Variants in MAML2 observed in about 807,000 individuals in gnomAD.
MAML2 encodes the protein mastermind-like protein 2.
MAML2 carries 22 observed loss-of-function variants against 96.1 expected under a neutral mutation model. The observed-to-expected ratio is 0.23, with a 90% CI of 0.16 to 0.33. The LOEUF is 0.33. Ranked by LOEUF, MAML2 falls within the 10% of genes least tolerant of loss-of-function variation. MAML2 has a pLI of 1.00. For missense variants in MAML2, 1,367 were observed against 1,392.4 expected, an observed-to-expected ratio of 0.98 and a Z score of 0.29; for synonymous variants, 561 against 521.3, an observed-to-expected ratio of 1.08 and a Z score of -1.04.
intron 2 of MAML2, among the ~76,000 whole-genome samples, chr11:96,050,175 C>G (rs994129629): frequency 1.3e-5 from 2 of 152,138 alleles, no homozygotes; most frequent in Non-Finnish European, 2.9e-5. Context: ...TAAGATCATA[C>G]AGATCTAAGG....
chr11:96,068,054 C>T (rs964659328), intron 2 of MAML2, among the ~76,000 whole-genome samples: 31 of 152,254 alleles, frequency 2.0e-4, no homozygotes, highest in African/African-American at 7.2e-4. Flanking sequence ...AAATCCCTCA[C>T]CCACTGACAT....
At chr11:96,123,574 G>T (rs1268889806) in intron 1 of MAML2, among the ~76,000 whole-genome samples, 1 of 152,230 alleles carries the variant, frequency 6.6e-6, no homozygotes, top group Non-Finnish European at 1.5e-5. Flanking sequence ...TCTGAATTCA[G>T]ATATGATGAC....
intron 1 of MAML2, among the ~76,000 whole-genome samples, chr11:96,211,665 A>T (rs1041578398): frequency 5.9e-5 from 9 of 152,294 alleles, no homozygotes; most frequent in Admixed American, 5.2e-4. Flanking sequence ...AGGAAATGTG[A>T]CAAGTTTATT....
At chr11:96,046,929 A>C (rs1309154490) in intron 2 of MAML2, among the ~76,000 whole-genome samples, 1 of 152,226 alleles carries the variant, frequency 6.6e-6, no homozygotes. Flanking sequence ...CATAGTCCCT[A>C]CTTTCCAACA....
rs573046218 is a variant in MAML2, at chr11:96,287,951, C to T, written c.513+53432G>A. Among the ~76,000 whole-genome samples the T allele has an allele frequency of 5.3e-5, 8 of 152,214 alleles. No homozygotes were observed. In the South Asian group the frequency reaches 1.7e-3, roughly 32 times the overall value. ...TTGCTTGCAATTTTGTGCAGTGGAA[C>T]GGAGACACTGAATCCCAAAAGGGCC... On this transcript the variant is annotated intron_variant, in intron 1 of 4. Coordinates refer to ENST00000524717, the MANE Select transcript of MAML2 (RefSeq NM_032427.4).
At chr11:96,289,658 C>T (rs775933283) in intron 1 of MAML2, among the ~76,000 whole-genome samples, 3 of 151,990 alleles carry the variant, frequency 2.0e-5, no homozygotes, top group Non-Finnish European at 2.9e-5. Context: ...AGCTAACCTG[C>T]GACAGTTTTA....
intron 1 of MAML2, among the ~76,000 whole-genome samples, chr11:96,267,322 C>T (rs1862842739): frequency 6.6e-6 from 1 of 151,800 alleles, no homozygotes; most frequent in Non-Finnish European, 1.5e-5. Flanking sequence ...CACAAATAGA[C>T]AAAAGAGAGG....
chr11:96,166,175 T>TCA (rs1283060567), intron 1 of MAML2, among the ~76,000 whole-genome samples: 2,836 of 101,646 alleles, frequency 0.028, 32 homozygotes, highest in Middle Eastern at 0.035. Context: ...TCTCTCTCTC[T>TCA]CTCACACACA....
intron 1 of MAML2, among the ~76,000 whole-genome samples, chr11:96,203,217 T>C (rs1861850680): frequency 6.6e-6 from 1 of 152,224 alleles, no homozygotes; most frequent in South Asian, 2.1e-4. Context: ...ACAGAAAAAG[T>C]TGCTGACTTC....
intron 4 of MAML2, among the ~76,000 whole-genome samples, chr11:95,984,166 A>T (rs554708354): frequency 3.2e-4 from 48 of 152,330 alleles, no homozygotes; most frequent in Non-Finnish European, 4.7e-4. Context: ...TAGTCATCAC[A>T]CTAACATGCT....
At chr11:96,212,798 A>G (rs1453676359) in intron 1 of MAML2, among the ~76,000 whole-genome samples, 1 of 152,224 alleles carries the variant, frequency 6.6e-6, no homozygotes, top group Non-Finnish European at 1.5e-5. Flanking sequence ...GACATAAAGG[A>G]GCAAGAAGAC....
chr11:96,240,143 C>T (rs1193080644), intron 1 of MAML2, among the ~76,000 whole-genome samples: 2 of 152,170 alleles, frequency 1.3e-5, no homozygotes, highest in Non-Finnish European at 2.9e-5. Context: ...TCTTAGAATG[C>T]TAAATCACCA....
chr11:96,301,467 G>A (rs1381030541), intron 1 of MAML2, among the ~76,000 whole-genome samples: 1 of 152,172 alleles, frequency 6.6e-6, no homozygotes, highest in Non-Finnish European at 1.5e-5. Context: ...CGTAGGCCAG[G>A]CCAATGGTTA....
intron 1 of MAML2, among the ~76,000 whole-genome samples, chr11:96,159,040 G>T (rs12794295): frequency 0.027 from 4,109 of 152,214 alleles, 90 homozygotes; most frequent in Non-Finnish European, 0.037. Flanking sequence ...AGATTTGCAA[G>T]GAATCCCTGA....
chr11:96,248,711 C>T (rs943121472), intron 1 of MAML2, among the ~76,000 whole-genome samples: 2 of 152,124 alleles, frequency 1.3e-5, no homozygotes, highest in Non-Finnish European at 2.9e-5. Context: ...ATCTTGACTA[C>T]ATGTCATAGT....
intron 2 of MAML2, among the ~76,000 whole-genome samples, chr11:96,068,335 G>A (rs901777235): frequency 1.3e-5 from 2 of 151,658 alleles, no homozygotes; most frequent in African/African-American, 2.4e-5. Flanking sequence ...CAAATACAGA[G>A]GTAAAGTAAG....
chr11:96,088,898 CA>C (rs1183709889), intron 2 of MAML2, among the ~76,000 whole-genome samples: 1 of 152,022 alleles, frequency 6.6e-6, no homozygotes, highest in East Asian at 1.9e-4. Flanking sequence ...AAGGGAAGGT[CA>C]CCTTGCATAT....
At chr11:96,328,332 G>T (rs1378375066) in intron 1 of MAML2, among the ~76,000 whole-genome samples, 2 of 152,104 alleles carry the variant, frequency 1.3e-5, no homozygotes, top group Non-Finnish European at 2.9e-5. Flanking sequence ...ATTCTAAGGT[G>T]CTTAGAGGTA....
chr11:96,091,141 C>T (rs570007618), intron 2 of MAML2, among the ~76,000 whole-genome samples: 3 of 152,228 alleles, frequency 2.0e-5, no homozygotes, highest in African/African-American at 2.4e-5. Flanking sequence ...GTTAACCAAA[C>T]GATGTAAGGT....
Sources: gnomAD v4.1 joint callset for allele counts (sites outside exome capture counted in the v4.1 genomes callset) on GRCh38, gnomAD v4.1.1 for gene constraint, MANE v1.5 for transcripts, NCBI Gene and HGNC (gene_info 2026-07-23, HGNC 2026-07-21) for gene names.